MITF: variants seen among roughly 807,000 people sequenced by gnomAD.
MITF encodes the protein microphthalmia-associated transcription factor.
MITF carries 17 observed loss-of-function variants against 60.5 expected under a neutral mutation model. That is an observed-to-expected ratio of 0.28 (90% CI 0.19 to 0.42). The LOEUF (loss-of-function observed/expected upper bound fraction) is 0.42, where lower values mean the gene tolerates loss of function less well. Ranked by LOEUF, MITF falls within the 10% of genes least tolerant of loss-of-function variation. The probability of loss-of-function intolerance (pLI) is 1.00; values close to 1 mark genes in which losing one functional copy is unlikely to be tolerated. For missense variants in MITF, 622 were observed against 683.5 expected (o/e 0.91, Z 1.00); for synonymous variants, 260 against 248.5 (o/e 1.05, Z -0.43).
intron 2 of MITF, among the ~76,000 whole-genome samples, chr3:69,933,962 A>G (rs1015453192): frequency 3.3e-5 from 5 of 152,198 alleles, no homozygotes; most frequent in African/African-American, 7.2e-5. Flanking sequence ...TCAAAGGGCT[A>G]TAGAGCCTCA....
chr3:69,919,902 G>A (rs569543301), intron 2 of MITF, among the ~76,000 whole-genome samples: 58 of 152,056 alleles, frequency 3.8e-4, no homozygotes, highest in African/African-American at 1.3e-3. Context: ...CCACCCAGGC[G>A]CCAAGGCAAG....
At chr3:69,961,849 A>G (rs1010238801) in intron 9 of MITF, among the ~76,000 whole-genome samples, 1 of 152,272 alleles carries the variant, frequency 6.6e-6, no homozygotes, top group Non-Finnish European at 1.5e-5. Flanking sequence ...AAACATGTAT[A>G]TTCATATGAA....
intron 8 of MITF, among the ~76,000 whole-genome samples, chr3:69,957,651 C>T (rs1185970158): frequency 6.6e-6 from 1 of 152,170 alleles, no homozygotes; most frequent in Admixed American, 6.5e-5. Flanking sequence ...TCCCATTTTC[C>T]TCTTCTTTAT....
chr3:69,787,694 T>C (rs554057211), intron 1 of MITF, among the ~76,000 whole-genome samples: 36 of 152,180 alleles, frequency 2.4e-4, no homozygotes, highest in Non-Finnish European at 4.7e-4. Context: ...TTTTTTTCTC[T>C]TCTTGATCTC....
chr3:69,869,820 C>T (rs901328530), intron 1 of MITF, among the ~76,000 whole-genome samples: 1 of 152,080 alleles, frequency 6.6e-6, no homozygotes, highest in African/African-American at 2.4e-5. Context: ...AACTGCCTCC[C>T]CCTCAGGAGG....
intron 2 of MITF, among the ~76,000 whole-genome samples, chr3:69,908,678 C>G (rs1180494034): frequency 2.0e-5 from 3 of 152,162 alleles, no homozygotes; most frequent in African/African-American, 7.2e-5. Context: ...TTAGGTACAA[C>G]TTTCCCATAA....
In MITF at chr3:69,821,375, C is replaced by T. The variant is rs115444889; in HGVS notation, c.105-57759C>T. Among the ~76,000 whole-genome samples, 943 of 152,196 alleles carry T rather than the reference C, an allele frequency of 6.2e-3. 7 individuals carry two copies. The highest frequency in any genetic ancestry group is 0.021 in the African/African-American group (888 of 41,492). The stretch of plus-strand genomic sequence containing the variant: ...CTTTGTTTTGTGGGTTGCTGCCCTC[C>T]ACCCCCAACCCCCTAAGCTTGAGTC... On this transcript the variant is annotated intron_variant, in intron 1 of 9. Transcript: ENST00000352241.
intron 1 of MITF, among the ~76,000 whole-genome samples, chr3:69,781,372 T>C (rs2062561041): frequency 6.6e-6 from 1 of 152,142 alleles, no homozygotes; most frequent in Non-Finnish European, 1.5e-5. Context: ...GCAACTAAAA[T>C]GTACTTTATC....
chr3:69,948,345 C>T (rs951506283), intron 5 of MITF, among the ~76,000 whole-genome samples: 2 of 151,762 alleles, frequency 1.3e-5, no homozygotes, highest in Admixed American at 1.3e-4. Flanking sequence ...ACAGCCCATT[C>T]AGAACTAGAG....
At chr3:69,755,629 G>T (rs1559611014) in intron 1 of MITF, among the ~76,000 whole-genome samples, 1 of 148,900 alleles carries the variant, frequency 6.7e-6, no homozygotes, top group African/African-American at 2.5e-5. Context: ...GCATAAAGGG[G>T]AAAAAAAAAG....
chr3:69,794,287 C>T (rs532659483), intron 1 of MITF, among the ~76,000 whole-genome samples: 15 of 152,274 alleles, frequency 9.9e-5, no homozygotes, highest in Admixed American at 1.3e-4. Flanking sequence ...GTCTGCTTAA[C>T]GAAATAGGGT....
At chr3:69,758,281 T>G (rs555786048) in intron 1 of MITF, among the ~76,000 whole-genome samples, 1 of 151,910 alleles carries the variant, frequency 6.6e-6, no homozygotes, top group Non-Finnish European at 1.5e-5. Context: ...GCAATTCCCC[T>G]GCCTCAGCCT....
chr3:69,857,366 C>A (rs1298211070), intron 1 of MITF, among the ~76,000 whole-genome samples: 2 of 151,914 alleles, frequency 1.3e-5, no homozygotes, highest in African/African-American at 4.8e-5. Flanking sequence ...CCCCCAGTTT[C>A]TTTCTTTAAA....
chr3:69,842,087 T>A (rs757143452), intron 1 of MITF, among the ~76,000 whole-genome samples: 47 of 152,182 alleles, frequency 3.1e-4, no homozygotes, highest in Non-Finnish European at 5.7e-4. Context: ...TCCTCTGTAG[T>A]TGGGCAGCAT....
At chr3:69,927,976 T>C (rs2065632355) in intron 2 of MITF, among the ~76,000 whole-genome samples, 1 of 152,242 alleles carries the variant, frequency 6.6e-6, no homozygotes, top group African/African-American at 2.4e-5. Flanking sequence ...AAAAACAGAG[T>C]GTTTTAGACT....
chr3:69,778,702 A>G (rs190842502), intron 1 of MITF: 17 of 152,240 alleles, frequency 1.1e-4, no homozygotes, highest in Admixed American at 1.0e-3. Context: ...GTTTGACTAT[A>G]TTTTTCTTAG....
intron 1 of MITF, among the ~76,000 whole-genome samples, chr3:69,809,400 A>G (rs9834247): frequency 0.018 from 2,813 of 152,236 alleles, 77 homozygotes; most frequent in African/African-American, 0.063. Flanking sequence ...CAGAACAATA[A>G]TCTTCTAAAT....
intron 1 of MITF, among the ~76,000 whole-genome samples, chr3:69,758,941 G>A (rs1018906597): frequency 2.6e-5 from 4 of 152,190 alleles, no homozygotes; most frequent in African/African-American, 9.7e-5. Context: ...AAGATAATAT[G>A]TAAAATGACT....
In MITF at chr3:69,857,406, G is replaced by A. The variant is rs537690462; in HGVS notation, c.105-21728G>A. On this transcript the variant is annotated intron_variant, in intron 1 of 9. Coordinates refer to ENST00000352241, the MANE Select transcript of MITF (RefSeq NM_001354604.2). The stretch of plus-strand genomic sequence containing the variant: ...AAAGATTTGTTTAATAATAAACATG[G>A]GGTATGATATGCAAATATGAGATAC... Among the ~76,000 whole-genome samples the A allele has an allele frequency of 2.0e-5, 3 of 152,112 alleles. No individual in the cohort carries two copies. In the East Asian group the frequency reaches 5.8e-4, roughly 29 times the overall value.
Sources: allele counts gnomAD v4.1 joint callset (sites outside exome capture counted in the v4.1 genomes callset), GRCh38; gene constraint gnomAD v4.1.1; transcripts MANE v1.5; gene names NCBI Gene and HGNC (gene_info 2026-07-23, HGNC 2026-07-21).